Variants in ADGRV1 observed in about 807,000 individuals in gnomAD.
ADGRV1 encodes G-protein coupled receptor 98.
Under a neutral mutation model 596.2 loss-of-function variants are expected in ADGRV1, and 359 were observed. The observed-to-expected ratio is 0.60, with a 90% confidence interval of 0.55 to 0.66. ADGRV1 has a LOEUF of 0.66. Ranked by LOEUF, ADGRV1 falls within the 30% of genes least tolerant of loss-of-function variation. The probability of loss-of-function intolerance (pLI) is 0.00; values close to 1 mark genes in which losing one functional copy is unlikely to be tolerated. For missense variants in ADGRV1, 7,274 were observed against 7,575.6 expected (o/e 0.96, Z 1.48); for synonymous variants, 2,681 against 2,679.2 (o/e 1.00, Z -0.02).
chr5:91,065,735 G>A (rs1208761816), intron 85 of ADGRV1, among the ~76,000 whole-genome samples: 1 of 152,148 alleles, frequency 6.6e-6, no homozygotes, highest in Admixed American at 6.5e-5. Flanking sequence ...GCATTACCGA[G>A]GAGAGATAAT....
intron 86 of ADGRV1, among the ~76,000 whole-genome samples, chr5:91,084,511 A>C (rs1245305254): frequency 6.6e-6 from 1 of 152,226 alleles, no homozygotes; most frequent in Admixed American, 6.5e-5. Flanking sequence ...GAGAAATGCA[A>C]ATCAAAACCA....
intron 21 of ADGRV1, among the ~76,000 whole-genome samples, chr5:90,662,474 T>G (rs1263897687): frequency 6.6e-6 from 1 of 152,206 alleles, no homozygotes; most frequent in South Asian, 2.1e-4. Flanking sequence ...ATTACAGGTG[T>G]AAGCCACCGT....
At chr5:91,015,021 T>A (rs947272148) in intron 85 of ADGRV1, among the ~76,000 whole-genome samples, 3 of 152,066 alleles carry the variant, frequency 2.0e-5, no homozygotes, top group African/African-American at 7.2e-5. Context: ...CATTTAGTGC[T>A]ATGAATTTCC....
At chr5:90,971,218 G>T (rs745602244) in intron 84 of ADGRV1, among the ~76,000 whole-genome samples, 1 of 152,116 alleles carries the variant, frequency 6.6e-6, no homozygotes, top group African/African-American at 2.4e-5. Flanking sequence ...CCAAATCTAC[G>T]TCTGATTGGT....
chr5:90,628,330 T>C (rs978856838), intron 7 of ADGRV1, among the ~76,000 whole-genome samples: 3 of 152,206 alleles, frequency 2.0e-5, no homozygotes, highest in South Asian at 4.1e-4. Context: ...GAGGATTGCC[T>C]GAGTCCATGA....
At chr5:90,572,874 A>G (rs1756726061) in intron 1 of ADGRV1, among the ~76,000 whole-genome samples, 1 of 152,182 alleles carries the variant, frequency 6.6e-6, no homozygotes, top group Non-Finnish European at 1.5e-5. Context: ...GATACGTCAG[A>G]GAATGTATTC....
At chr5:90,873,573 T>G (rs1474100059) in intron 83 of ADGRV1, among the ~76,000 whole-genome samples, 2 of 152,168 alleles carry the variant, frequency 1.3e-5, no homozygotes, top group Admixed American at 1.3e-4. Flanking sequence ...GAGTACAAAT[T>G]CTCAATTTTT....
In ADGRV1 at chr5:90,674,162, A is replaced by G. The variant is rs1317244272; in HGVS notation, c.5038A>G (p.Thr1680Ala). The change falls in exon 23 of 90, where the codon ACC becomes GCC. Residue 1680 changes from threonine to alanine, a missense_variant. Around this residue, in one of 5 missense-constraint regions of ADGRV1, gnomAD observed 3,643 missense variants for 3,809.2 expected, o/e 0.96. Transcript: ENST00000405460. ...AGATGGGAAGCTAGGCTCAACTCCT[A>G]CCAGTGGTGCAAGCATAGATCCTGA... ...PGDGKLGSTP[T>A]SGASIDPEKE... 6.2e-7 allele frequency: 1 copy of G among 1,613,550 alleles called. No homozygotes were observed. The highest frequency in any genetic ancestry group is 1.7e-5 in the Admixed American group (1 of 59,922).
chr5:91,127,533 G>C (rs113091354), intron 87 of ADGRV1, among the ~76,000 whole-genome samples: 7,022 of 86,286 alleles, frequency 0.081, 244 homozygotes, highest in Middle Eastern at 0.18. Context: ...GCTAAACCCA[G>C]TCTCACCAAA....
chr5:90,713,178 AT>A (rs559264589), intron 42 of ADGRV1, among the ~76,000 whole-genome samples: 109 of 152,064 alleles, frequency 7.2e-4, no homozygotes, highest in Non-Finnish European at 1.4e-3. Context: ...TTTAAAAAAA[AT>A]TTTAGTTTGA....
At chr5:90,906,002 C>G (rs1772289758) in intron 83 of ADGRV1, among the ~76,000 whole-genome samples, 1 of 151,938 alleles carries the variant, frequency 6.6e-6, no homozygotes, top group South Asian at 2.1e-4. Flanking sequence ...TGGTTTTAGT[C>G]CTCCATTCTT....
Position 91,072,497 on chromosome 5 carries a change from C to G in ADGRV1, c.18203C>G (p.Pro6068Arg). The part of the protein sequence containing the change: ...YAALFTAALV[P>R]LTCLVVVFVV... ...GCTTTGTTCACTGCAGCTCTTGTTC[C>G]TTTGACGTGCCTCGTGGTGGTGTTC... Residue 6068 changes from proline (P) to arginine (R), a missense_variant, in exon 86 of 90, where the codon CCT (proline) becomes CGT (arginine). Pro to Arg is a moderately radical substitution (Grantham distance 103). Transcript: ENST00000405460. 1 of 1,613,796 alleles carries G rather than the reference C, an allele frequency of 6.2e-7. No homozygotes were observed. The highest frequency in any genetic ancestry group is 2.2e-5 in the East Asian group (1 of 44,874).
At chr5:90,706,106 T>C in intron 37 of ADGRV1, 125 bp from the exon 38 acceptor site, 2 of 682,106 alleles carry the variant, frequency 2.9e-6, no homozygotes, top group Admixed American at 3.1e-5. Context: ...TAGGAAGGGG[T>C]GAGGAATTGG....
At chr5:90,611,626 A>C (rs965518573) in intron 1 of ADGRV1, among the ~76,000 whole-genome samples, 2 of 151,984 alleles carry the variant, frequency 1.3e-5, no homozygotes, top group Non-Finnish European at 2.9e-5. Flanking sequence ...AATTACGCAC[A>C]TCATGATCTT....
intron 84 of ADGRV1, among the ~76,000 whole-genome samples, chr5:90,983,788 C>G (rs890926673): frequency 5.3e-5 from 8 of 152,096 alleles, no homozygotes; most frequent in African/African-American, 1.9e-4. Context: ...GGAGTGCTGG[C>G]AGGAAATAAA....
intron 1 of ADGRV1, among the ~76,000 whole-genome samples, chr5:90,563,482 G>A (rs183019991): frequency 4.8e-4 from 73 of 152,338 alleles, no homozygotes; most frequent in Middle Eastern, 3.4e-3. Flanking sequence ...GGGGATGACT[G>A]TAATTATAAA....
chr5:90,603,926 A>G lies in ADGRV1; in HGVS notation c.23-10909A>G, dbSNP rs144100899. 3.7e-3 allele frequency among the ~76,000 whole-genome samples: 517 copies of G among 138,504 alleles called. 2 individuals are homozygous for G. Among genetic ancestry groups the G allele is most frequent in the African/African-American group, 0.012 (463 of 38,714 alleles). 90.9% of individuals were successfully genotyped at this position (138,504 alleles called of 152,430 possible). ...CGTGTGTGCAGGCACGTACACACAC[A>G]TGCACGCTCACCACCTTGTGAACTG... On this transcript the variant is annotated intron_variant, in intron 1 of 89. Coordinates refer to ENST00000405460, the MANE Select transcript of ADGRV1 (RefSeq NM_032119.4).
At chr5:90,922,495 G>C (rs1013538009) in intron 83 of ADGRV1, among the ~76,000 whole-genome samples, 1 of 152,068 alleles carries the variant, frequency 6.6e-6, no homozygotes, top group African/African-American at 2.4e-5. Flanking sequence ...TTACTATGTC[G>C]TGTATTTTCA....
chr5:90,740,013 C>T (rs114506434), intron 50 of ADGRV1, among the ~76,000 whole-genome samples: 402 of 152,230 alleles, frequency 2.6e-3, no homozygotes, highest in African/African-American at 9.2e-3. Context: ...GATTGATGCT[C>T]ACTAGCTGAG....
Sources: allele counts gnomAD v4.1 joint callset (sites outside exome capture counted in the v4.1 genomes callset), GRCh38; gene constraint gnomAD v4.1.1; regional missense constraint gnomAD v4.1.1; transcripts MANE v1.5; gene names NCBI Gene and HGNC (gene_info 2026-07-23, HGNC 2026-07-21).